The following FKBP5 variants were observed in gnomAD, a reference collection of about 807,000 sequenced individuals.
The protein encoded by FKBP5 is FKBP prolyl isomerase 5.
In FKBP5, 23 loss-of-function variants were observed where a neutral mutation model predicts 50.5. The observed-to-expected ratio is 0.46, with a 90% CI of 0.33 to 0.65. The LOEUF (loss-of-function observed/expected upper bound fraction) is 0.65. FKBP5 is among the 30% of genes least tolerant of loss of function. FKBP5 has a pLI of 0.02. For synonymous variants in FKBP5, 176 were observed against 190.6 expected, an observed-to-expected ratio of 0.92 and a Z score of 0.63; for missense variants, 411 against 553.1, an observed-to-expected ratio of 0.74 and a Z score of 2.58.
At chr6:35,695,884 C>A (rs551347240) in intron 2 of FKBP5, among the ~76,000 whole-genome samples, 2 of 152,212 alleles carry the variant, frequency 1.3e-5, no homozygotes, top group Admixed American at 1.3e-4. Flanking sequence ...GTGGCTCACA[C>A]CTGTAATCCC....
chr6:35,723,976 C>A (rs568102031), intron 1 of FKBP5, among the ~76,000 whole-genome samples: 1 of 152,234 alleles, frequency 6.6e-6, no homozygotes, highest in African/African-American at 2.4e-5. Flanking sequence ...CTTAGCTGCT[C>A]TTGCTTCAGT....
intron 3 of FKBP5, among the ~76,000 whole-genome samples, chr6:35,634,670 G>C (rs1697472213): frequency 6.6e-6 from 1 of 151,832 alleles, no homozygotes; most frequent in African/African-American, 2.4e-5. Flanking sequence ...GAAGGACAAG[G>C]GAATGAAGTC....
chr6:35,718,096 C>T (rs1217708123), intron 2 of FKBP5, among the ~76,000 whole-genome samples: 1 of 152,156 alleles, frequency 6.6e-6, no homozygotes, highest in Non-Finnish European at 1.5e-5. Context: ...TGGATGACAC[C>T]ACTCCCCAGA....
intron 1 of FKBP5, among the ~76,000 whole-genome samples, chr6:35,643,835 G>C (rs756910780): frequency 2.6e-5 from 4 of 152,074 alleles, no homozygotes; most frequent in African/African-American, 9.7e-5. Flanking sequence ...AAGACTATGC[G>C]CCTGTTAGGT....
chr6:35,598,320 T>C (rs1404418739), intron 5 of FKBP5, among the ~76,000 whole-genome samples: 1 of 152,142 alleles, frequency 6.6e-6, no homozygotes, highest in Non-Finnish European at 1.5e-5. Flanking sequence ...CTTCCTGGGT[T>C]CAAACAATTC....
intron 1 of FKBP5, among the ~76,000 whole-genome samples, chr6:35,661,770 C>CAAA (rs767195179): frequency 6.0e-5 from 2 of 33,288 alleles, no homozygotes; most frequent in African/African-American, 1.8e-4. Flanking sequence ...AACTCCGTCT[C>CAAA]AAAAAAAAAA....
chr6:35,668,549 A>C (rs984112567), intron 1 of FKBP5, among the ~76,000 whole-genome samples: 2 of 152,190 alleles, frequency 1.3e-5, no homozygotes, highest in African/African-American at 4.8e-5. Context: ...TGGCCCCTAA[A>C]TGTTCTGTGT....
intron 7 of FKBP5, among the ~76,000 whole-genome samples, chr6:35,590,890 A>G (rs943298957): frequency 1.4e-5 from 2 of 145,482 alleles, no homozygotes; most frequent in Non-Finnish European, 3.0e-5. Context: ...AAAAAAGTTA[A>G]AAAAAAAAAA....
intron 10 of FKBP5, among the ~76,000 whole-genome samples, chr6:35,576,484 C>A (rs1372771362): frequency 6.6e-6 from 1 of 152,110 alleles, no homozygotes; most frequent in South Asian, 2.1e-4. Flanking sequence ...CCAGCCTAGA[C>A]AACAAAGTGA....
At chr6:35,727,095 G>A (rs1455873592) in intron 1 of FKBP5, among the ~76,000 whole-genome samples, 3 of 152,180 alleles carry the variant, frequency 2.0e-5, no homozygotes, top group Non-Finnish European at 2.9e-5. Flanking sequence ...GGTAGACAGG[G>A]AGGACAGGCA....
chr6:35,727,527 G>A lies in FKBP5; in HGVS notation c.-241+981C>T, dbSNP rs370343916. ...AGGGATTTCCCAAACCGTCCAAAAG[G>A]GCTGGGCTTGGTTTGCCAGCCCCGG... On this transcript the variant is annotated intron_variant, in intron 1 of 11. Coordinates refer to the FKBP5 transcript ENST00000536438. Among the ~76,000 whole-genome samples, 22 of 152,290 alleles carry A rather than the reference G, an allele frequency of 1.4e-4. No individual in the cohort carries two copies. The East Asian group carries it at 2.5e-3, about 17-fold the overall frequency.
chr6:35,642,713 G>GCCTCA lies in FKBP5; in HGVS notation c.105+2_105+6dup. 1 of 1,607,752 alleles carries GCCTCA rather than the reference G, an allele frequency of 6.2e-7. No individual in the cohort carries two copies. Among genetic ancestry groups the GCCTCA allele is most frequent in the Non-Finnish European group, 8.5e-7 (1 of 1,174,972 alleles). On this transcript the variant is annotated splice_region_variant and intron_variant, in intron 2 of 10. Coordinates refer to ENST00000357266, the MANE Select transcript of FKBP5 (RefSeq NM_004117.4). The stretch of plus-strand genomic sequence containing the variant: ...TCCTTGTATGTCACTCAGCTTTGTG[G>GCCTCA]CCTCACCTTTAATACTCCCCTGTCT...
At chr6:35,666,408 A>AAAAAAAAAAAAG (rs1765222770) in intron 1 of FKBP5, among the ~76,000 whole-genome samples, 2 of 145,850 alleles carry the variant, frequency 1.4e-5, no homozygotes, top group African/African-American at 2.5e-5. Context: ...AAAAAAAAAA[A>AAAAAAAAAAAAG]AAAAAAAAAA....
intron 10 of FKBP5, 74 bp from the exon 11 acceptor site, chr6:35,576,016 G>A: frequency 9.6e-7 from 1 of 1,041,190 alleles, no homozygotes; most frequent in Non-Finnish European, 1.5e-6. Flanking sequence ...TCCAGACTGT[G>A]TATCAGGTCC....
chr6:35,603,089 G>A (rs1217740233), intron 5 of FKBP5, among the ~76,000 whole-genome samples: 1 of 152,176 alleles, frequency 6.6e-6, no homozygotes, highest in African/African-American at 2.4e-5. Flanking sequence ...CTAGCTAAAT[G>A]ATAATTGTTG....
At chr6:35,590,425 C>T (rs1049802480) in intron 7 of FKBP5, among the ~76,000 whole-genome samples, 1 of 152,108 alleles carries the variant, frequency 6.6e-6, no homozygotes, top group Admixed American at 6.5e-5. Flanking sequence ...GGCACGTGGC[C>T]GAAGACAACA....
At chr6:35,715,627 G>A (rs1342407761) in intron 2 of FKBP5, among the ~76,000 whole-genome samples, 1 of 152,256 alleles carries the variant, frequency 6.6e-6, no homozygotes, top group Non-Finnish European at 1.5e-5. Flanking sequence ...AGTACAGCAA[G>A]CTGAGGGAAC....
At chr6:35,694,625 T>C (rs564365871) in intron 2 of FKBP5, among the ~76,000 whole-genome samples, 4 of 152,328 alleles carry the variant, frequency 2.6e-5, no homozygotes, top group African/African-American at 9.6e-5. Flanking sequence ...CTTAACTCAA[T>C]TTCAGGGCTC....
intron 1 of FKBP5, among the ~76,000 whole-genome samples, chr6:35,662,051 T>C (rs954312173): frequency 1.3e-5 from 2 of 152,148 alleles, no homozygotes; most frequent in African/African-American, 2.4e-5. Context: ...TTTTGTTACT[T>C]TCTCTTTTTT....
Sources: gnomAD v4.1 joint callset for allele counts (sites outside exome capture counted in the v4.1 genomes callset) on GRCh38, gnomAD v4.1.1 for gene constraint, MANE v1.5 for transcripts, NCBI Gene and HGNC (gene_info 2026-07-23, HGNC 2026-07-21) for gene names.